The following NBAS variants were observed in gnomAD, a reference collection of about 807,000 sequenced individuals.
NBAS encodes the protein NBAS subunit of NRZ tethering complex.
NBAS carries 219 observed loss-of-function variants against 302.5 expected under a neutral mutation model. The observed-to-expected ratio is 0.72, with a 90% confidence interval of 0.65 to 0.81. The LOEUF (loss-of-function observed/expected upper bound fraction) is 0.81, where lower values mean the gene tolerates loss of function less well. Ranked by LOEUF, NBAS falls within the 30% of genes least tolerant of loss-of-function variation. The pLI is 0.00. For synonymous variants in NBAS, 1,118 were observed against 1,021.6 expected, an observed-to-expected ratio of 1.09 and a Z score of -1.80; for missense variants, 2,932 against 2,841.6, an observed-to-expected ratio of 1.03 and a Z score of -0.72.
At chr2:15,114,316 C>T in the NBAS span, among the ~76,000 whole-genome samples, 8 of 152,146 alleles carry the variant, frequency 5.3e-5, no homozygotes, top group Non-Finnish European at 1.0e-4. Context: ...CTCCCGGGCT[C>T]GTAGATGGAC....
chr2:15,287,188 A>T lies in NBAS; in HGVS notation c.5028-5T>A. On this transcript the variant is annotated splice_polypyrimidine_tract_variant and splice_region_variant and intron_variant, in intron 41 of 51. Transcript: ENST00000281513. ...TAGACGCTTTCCTCTAGAGTTCTGC[A>T]GAAATGTCCATCAAGCCCAGGAAGG... is the stretch of plus-strand genomic sequence containing the variant. The T allele has an allele frequency of 6.2e-7, 1 of 1,608,156 alleles. No individual in the cohort carries two copies. Among genetic ancestry groups the T allele is most frequent in the Non-Finnish European group, 8.5e-7 (1 of 1,174,638 alleles).
chr2:15,289,222 G>A (rs1192509603), intron 41 of NBAS, among the ~76,000 whole-genome samples: 3 of 152,096 alleles, frequency 2.0e-5, no homozygotes, highest in Non-Finnish European at 4.4e-5. Context: ...CAGAGTAGCT[G>A]GGACTTCAGG....
At chr2:14,907,854 G>C in the NBAS span, among the ~76,000 whole-genome samples, 452 of 152,292 alleles carry the variant, frequency 3.0e-3, 2 homozygotes, top group African/African-American at 0.011. Context: ...TGCTGTGTGA[G>C]GACTCTCTGT....
downstream of NBAS, chr2:15,166,860 G>T: frequency 1.6e-6 from 1 of 622,128 alleles, no homozygotes; most frequent in Non-Finnish European, 2.5e-6. Context: ...AAGAAAATAT[G>T]TTCACCACTC....
intron 25 of NBAS, among the ~76,000 whole-genome samples, chr2:15,414,594 A>T (rs1676829261): frequency 6.6e-6 from 1 of 152,268 alleles, no homozygotes. Context: ...TACCCTTTAG[A>T]AATACAAAGC....
the NBAS span, among the ~76,000 whole-genome samples, chr2:14,834,001 A>C: frequency 6.6e-6 from 1 of 152,166 alleles, no homozygotes; most frequent in African/African-American, 2.4e-5. Flanking sequence ...CAGAATTCAG[A>C]TTAGAGCTGT....
chr2:14,921,059 C>G, the NBAS span, among the ~76,000 whole-genome samples: 1 of 152,036 alleles, frequency 6.6e-6, no homozygotes, highest in Non-Finnish European at 1.5e-5. Flanking sequence ...ATCATGTCTA[C>G]CTTTTGATTT....
chr2:15,301,775 G>T (rs1482365035), intron 40 of NBAS, among the ~76,000 whole-genome samples: 1 of 152,232 alleles, frequency 6.6e-6, no homozygotes, highest in Non-Finnish European at 1.5e-5. Flanking sequence ...ACTGGAGAAA[G>T]GTTCCTGAGT....
At chr2:14,969,406 C>T in the NBAS span, among the ~76,000 whole-genome samples, 1 of 152,088 alleles carries the variant, frequency 6.6e-6, no homozygotes, top group Non-Finnish European at 1.5e-5. Flanking sequence ...GATGGAGTCT[C>T]ATACTTGTCG....
the NBAS span, among the ~76,000 whole-genome samples, chr2:14,819,516 G>A: frequency 6.6e-6 from 1 of 152,218 alleles, no homozygotes; most frequent in Non-Finnish European, 1.5e-5. Flanking sequence ...AAATGCTTTT[G>A]TATAGATCAT....
intron 38 of NBAS, among the ~76,000 whole-genome samples, chr2:15,317,539 T>C (rs1036435746): frequency 9.9e-5 from 15 of 152,154 alleles, no homozygotes; most frequent in Middle Eastern, 3.4e-3. Context: ...GAATAAACAG[T>C]GTAGAGAAGA....
chr2:15,071,879 G>A, the NBAS span, among the ~76,000 whole-genome samples: 4 of 152,244 alleles, frequency 2.6e-5, no homozygotes, highest in Admixed American at 6.5e-5. Context: ...CACTAGAAGT[G>A]GGGATTTAGA....
intron 11 of NBAS, among the ~76,000 whole-genome samples, chr2:15,493,541 C>A (rs1680950394): frequency 6.6e-6 from 1 of 151,932 alleles, no homozygotes; most frequent in Non-Finnish European, 1.5e-5. Flanking sequence ...ATGGCAAGTG[C>A]CTATAATCCC....
chr2:15,432,281 A>C (rs1677803316), intron 21 of NBAS, among the ~76,000 whole-genome samples: 1 of 151,818 alleles, frequency 6.6e-6, no homozygotes, highest in Admixed American at 6.6e-5. Flanking sequence ...TCCACTTAAA[A>C]AAAAAAAAAA....
intron 31 of NBAS, among the ~76,000 whole-genome samples, chr2:15,370,935 T>C (rs1572735046): frequency 6.6e-6 from 1 of 152,138 alleles, no homozygotes. Flanking sequence ...GAAGGCACGA[T>C]TGGTTTTGAA....
chr2:15,449,122 A>C (rs1678889083), intron 21 of NBAS, among the ~76,000 whole-genome samples: 2 of 152,208 alleles, frequency 1.3e-5, no homozygotes, highest in African/African-American at 4.8e-5. Flanking sequence ...AAAAAAAAGG[A>C]TCTCTCAAAG....
chr2:15,532,832 A>T (rs919600727), intron 9 of NBAS, among the ~76,000 whole-genome samples: 1 of 152,142 alleles, frequency 6.6e-6, no homozygotes, highest in Non-Finnish European at 1.5e-5. Context: ...TGTAAATATA[A>T]GAAAAAATTT....
chr2:15,280,460 T>A (rs1044791506), intron 42 of NBAS, among the ~76,000 whole-genome samples: 5 of 152,038 alleles, frequency 3.3e-5, no homozygotes, highest in African/African-American at 1.2e-4. Context: ...ACACATAACC[T>A]GCCAGCACTC....
chr2:15,476,176 G>A (rs1163537838), intron 13 of NBAS, among the ~76,000 whole-genome samples: 1 of 152,118 alleles, frequency 6.6e-6, no homozygotes, highest in Non-Finnish European at 1.5e-5. Flanking sequence ...AATACACTCA[G>A]GAGAGAGATG....
Sources: gnomAD v4.1 joint callset for allele counts (sites outside exome capture counted in the v4.1 genomes callset) on GRCh38, gnomAD v4.1.1 for gene constraint, MANE v1.5 for transcripts, NCBI Gene and HGNC (gene_info 2026-07-23, HGNC 2026-07-21) for gene names.